UQCC6: variants seen among roughly 807,000 people sequenced by gnomAD.
UQCC6 encodes ubiquinol-cytochrome c reductase complex assembly factor 6.
At chr12:103,952,654 A>G in the UQCC6 span, among the ~76,000 whole-genome samples, 2 of 152,162 alleles carry the variant, frequency 1.3e-5, no homozygotes, top group Non-Finnish European at 2.9e-5. Context: ...GAGGCTTTCA[A>G]TTTCTCCACA....
At chr12:103,953,673 A>G in the UQCC6 span, 1 of 671,542 alleles carries the variant, frequency 1.5e-6, no homozygotes, top group Non-Finnish European at 2.7e-6. Context: ...TCAAGTTCCT[A>G]CAGAGATACC....
chr12:103,953,535 C>T, the UQCC6 span: 3 of 702,344 alleles, frequency 4.3e-6, no homozygotes, highest in Non-Finnish European at 7.8e-6. Context: ...TCCAGTTTTG[C>T]TACAAAGAAC....
the UQCC6 span, among the ~76,000 whole-genome samples, chr12:103,962,880 G>C: frequency 6.6e-6 from 1 of 152,312 alleles, no homozygotes; most frequent in Non-Finnish European, 1.5e-5. Flanking sequence ...GTGAAGCCAA[G>C]AACACTCCTG....
At chr12:103,957,381 A>G in the UQCC6 span, 1 of 151,602 alleles carries the variant, frequency 6.6e-6, no homozygotes, top group Non-Finnish European at 1.5e-5. Flanking sequence ...CACTCTCCCT[A>G]TAGTTAAATT....
the UQCC6 span, among the ~76,000 whole-genome samples, chr12:103,964,255 C>A: frequency 6.7e-6 from 1 of 150,254 alleles, no homozygotes; most frequent in Non-Finnish European, 1.5e-5. Flanking sequence ...CTGGTTCAAG[C>A]GATTCTCCCA....
At chr12:103,955,623 CCTGT>C in the UQCC6 span, 54 of 401,716 alleles carry the variant, frequency 1.3e-4, no homozygotes, top group African/African-American at 6.3e-4. Context: ...CAGAATGAGA[CCTGT>C]CTAATTTTTT....
the UQCC6 span, among the ~76,000 whole-genome samples, chr12:103,958,723 G>A: frequency 2.0e-5 from 3 of 152,030 alleles, no homozygotes; most frequent in Admixed American, 2.0e-4. Context: ...CTAGTTGTTG[G>A]TGTGTAAATA....
At chr12:103,954,939 C>T in the UQCC6 span, 2 of 701,338 alleles carry the variant, frequency 2.9e-6, no homozygotes, top group Non-Finnish European at 5.2e-6. Flanking sequence ...TTTGAGAAAT[C>T]AACTTCACTC....
the UQCC6 span, among the ~76,000 whole-genome samples, chr12:103,959,567 C>T: frequency 2.4e-5 from 3 of 124,148 alleles, no homozygotes; most frequent in African/African-American, 8.9e-5. Flanking sequence ...CAAAAATTGG[C>T]CAGGTGTGGT....
At chr12:103,959,938 AT>A in the UQCC6 span, among the ~76,000 whole-genome samples, 18 of 147,426 alleles carry the variant, frequency 1.2e-4, no homozygotes, top group East Asian at 1.9e-3. Flanking sequence ...TGCCCAGCTA[AT>A]TTTTTTTGTA....
the UQCC6 span, among the ~76,000 whole-genome samples, chr12:103,957,691 C>T: frequency 5.3e-4 from 81 of 152,004 alleles, no homozygotes; most frequent in Non-Finnish European, 1.0e-3. Flanking sequence ...ATCGACATAA[C>T]TTAATCCAGG....
the UQCC6 span, among the ~76,000 whole-genome samples, chr12:103,960,755 A>G: frequency 2.6e-5 from 4 of 152,206 alleles, no homozygotes; most frequent in African/African-American, 9.7e-5. Flanking sequence ...AAAAAATCCT[A>G]TAGCCTAATG....
the UQCC6 span, chr12:103,957,121 G>A: frequency 4.2e-6 from 1 of 236,708 alleles, no homozygotes. Flanking sequence ...CTATACACGC[G>A]CTCTACTAGA....
the UQCC6 span, chr12:103,954,761 A>G: frequency 1.5e-5 from 8 of 551,172 alleles, no homozygotes; most frequent in Non-Finnish European, 2.3e-5. Flanking sequence ...GACAGGAGAA[A>G]GGAGGTTATA....
chr12:103,961,537 T>TTTGTTG, the UQCC6 span, among the ~76,000 whole-genome samples: 3,906 of 150,550 alleles, frequency 0.026, 212 homozygotes, highest in East Asian at 0.25. Flanking sequence ...ACTGTTTGGT[T>TTTGTTG]TTGTTGTTGT....
chr12:103,954,037 C>G, the UQCC6 span, among the ~76,000 whole-genome samples: 3 of 151,436 alleles, frequency 2.0e-5, no homozygotes, highest in African/African-American at 4.8e-5. Context: ...AGAAAGAGCT[C>G]TTGCAGCATT....
chr12:103,965,296 G>A, the UQCC6 span, among the ~76,000 whole-genome samples: 1 of 152,206 alleles, frequency 6.6e-6, no homozygotes, highest in African/African-American at 2.4e-5. Context: ...GGTTATGGGA[G>A]GTGATGCTCG....
chr12:103,951,643 C>A, the UQCC6 span: 25 of 1,246,848 alleles, frequency 2.0e-5, no homozygotes, highest in African/African-American at 3.3e-5. Context: ...GCAAAAAAAA[C>A]AAAACAAAAA....
chr12:103,951,677 A>G, the UQCC6 span: 1 of 1,077,190 alleles, frequency 9.3e-7, no homozygotes, highest in Middle Eastern at 2.0e-4. Flanking sequence ...ACCCTTAATA[A>G]GGCTGTAATT....
Sources: gnomAD v4.1 joint callset for allele counts (sites outside exome capture counted in the v4.1 genomes callset) on GRCh38, gnomAD v4.1.1 for gene constraint, MANE v1.5 for transcripts, NCBI Gene and HGNC (gene_info 2026-07-23, HGNC 2026-07-21) for gene names.